KDM4C: variants seen among roughly 807,000 people sequenced by gnomAD.
KDM4C encodes lysine demethylase 4C, also known as lysine-specific demethylase 4C.
A neutral mutation model predicts 129.3 loss-of-function variants in KDM4C; 81 were observed. That is an observed-to-expected ratio of 0.63 (90% confidence interval 0.52 to 0.75). The LOEUF (loss-of-function observed/expected upper bound fraction) is 0.75. Ranked by LOEUF, KDM4C falls within the 30% of genes least tolerant of loss-of-function variation. The pLI, the probability that KDM4C is intolerant of heterozygous loss-of-function variation, is 0.00. For missense variants in KDM4C, 1,457 were observed against 1,304.0 expected (o/e 1.12, Z -1.81); for synonymous variants, 573 against 456.1 (o/e 1.26, Z -3.26).
chr9:6,932,248 C>A lies in KDM4C; in HGVS notation c.921+39016C>A, dbSNP rs116239306. ...TTCCCCTTCAGAACAGAGTGGAAGC[C>A]GGAGTGCAGAGGGAGGACTGTGTGT... On this transcript the variant is annotated intron_variant, in intron 8 of 21. Transcript: ENST00000381309. Among the ~76,000 whole-genome samples, 149 of 152,256 alleles carry A rather than the reference C, an allele frequency of 9.8e-4. 1 individual carries two copies. The highest frequency in any genetic ancestry group is 3.4e-3 in the African/African-American group (140 of 41,560).
chr9:7,113,468 G>A (rs1838559446), intron 18 of KDM4C, among the ~76,000 whole-genome samples: 1 of 152,090 alleles, frequency 6.6e-6, no homozygotes, highest in East Asian at 1.9e-4. Flanking sequence ...ACCCTATTCA[G>A]AACCCCCTAA....
intron 7 of KDM4C, among the ~76,000 whole-genome samples, chr9:6,890,779 G>A (rs1388924236): frequency 6.6e-6 from 1 of 152,176 alleles, no homozygotes; most frequent in African/African-American, 2.4e-5. Context: ...GGAGCAGGGT[G>A]AGTTTTGTTT....
chr9:7,141,176 T>A (rs906723136), intron 19 of KDM4C, among the ~76,000 whole-genome samples: 1 of 152,186 alleles, frequency 6.6e-6, no homozygotes, highest in Admixed American at 6.5e-5. Flanking sequence ...AATTGGAAAG[T>A]CCACAGGGGT....
chr9:6,956,306 C>T (rs1829056221), intron 8 of KDM4C, among the ~76,000 whole-genome samples: 3 of 152,114 alleles, frequency 2.0e-5, no homozygotes, highest in South Asian at 2.1e-4. Flanking sequence ...ATACTCCATT[C>T]CCCATGATGT....
At position 7,145,100 on chromosome 9, in the gene KDM4C, C is replaced by T. The variant is rs542455874; in HGVS notation, c.2781+16864C>T. Among the ~76,000 whole-genome samples the T allele has an allele frequency of 1.1e-4, 16 of 152,282 alleles. No homozygotes were observed. In the East Asian group the frequency reaches 2.9e-3, roughly 28 times the overall value. On this transcript the variant is annotated intron_variant, in intron 19 of 21. Transcript: ENST00000381309. ...AATAAGGTGGTGCTGCATTAACAGG[C>T]CTCCTCCTCGGGTGTTGATCCTCAA...
rs61477112 is a variant in KDM4C, at chr9:6,873,941, C to CGAGAGAGA, written c.630-6047_630-6040dup. On this transcript the variant is annotated intron_variant, in intron 5 of 21. Transcript: ENST00000381309. ...GAGAGAGAGAGAGAGTGAGAGAGAGCGAGAGAGAGAGAGAGAGAGAGAGAG... is the reference window on the plus strand; with the variant it reads ...GAGAGAGAGAGAGAGTGAGAGAGAGCGAGAGAGAGAGAGAGAGAGAGAGAGAGAGAGAG... Among the ~76,000 whole-genome samples, 178 of 132,158 alleles carry CGAGAGAGA rather than the reference C, an allele frequency of 1.3e-3. 2 individuals are homozygous for CGAGAGAGA. Among genetic ancestry groups the CGAGAGAGA allele is most frequent in the Middle Eastern group, 7.6e-3 (2 of 262 alleles). 86.7% of individuals were successfully genotyped at this position (132,158 alleles called of 152,430 possible).
chr9:7,100,745 C>T (rs1415267088), intron 17 of KDM4C, among the ~76,000 whole-genome samples: 1 of 151,900 alleles, frequency 6.6e-6, no homozygotes, highest in African/African-American at 2.4e-5. Flanking sequence ...ATTATGGATT[C>T]TTCCTTTTTT....
intron 4 of KDM4C, among the ~76,000 whole-genome samples, chr9:6,827,383 T>C (rs1420541872): frequency 1.3e-5 from 2 of 152,254 alleles, no homozygotes; most frequent in Non-Finnish European, 2.9e-5. Flanking sequence ...CAGATTTCTC[T>C]TGTATTAGAA....
chr9:6,868,039 C>G (rs1445275028), intron 5 of KDM4C, among the ~76,000 whole-genome samples: 1 of 152,010 alleles, frequency 6.6e-6, no homozygotes, highest in African/African-American at 2.4e-5. Context: ...TCTGCAGAAT[C>G]TCAATATTTA....
At chr9:7,034,946 T>C (rs1323695147) in intron 15 of KDM4C, among the ~76,000 whole-genome samples, 2 of 152,214 alleles carry the variant, frequency 1.3e-5, no homozygotes, top group Non-Finnish European at 1.5e-5. Flanking sequence ...TTTTTGTATA[T>C]TTGTTTTCCA....
chr9:6,922,583 C>T (rs934606329), intron 8 of KDM4C, among the ~76,000 whole-genome samples: 2 of 152,154 alleles, frequency 1.3e-5, no homozygotes, highest in African/African-American at 4.8e-5. Flanking sequence ...CCCATCTCTA[C>T]CAAAAATACA....
intron 4 of KDM4C, among the ~76,000 whole-genome samples, chr9:6,819,847 T>C (rs1171469488): frequency 1.3e-5 from 2 of 152,268 alleles, no homozygotes; most frequent in African/African-American, 4.8e-5. Context: ...TTATATTGTT[T>C]AATTCTTTAG....
chr9:7,030,230 C>T (rs945390089), intron 15 of KDM4C, among the ~76,000 whole-genome samples: 5 of 152,064 alleles, frequency 3.3e-5, no homozygotes, highest in Non-Finnish European at 7.4e-5. Context: ...TTACTCATTG[C>T]ATTTTTTAAC....
chr9:6,808,641 C>T (rs1243391989), intron 3 of KDM4C, among the ~76,000 whole-genome samples: 1 of 145,274 alleles, frequency 6.9e-6, no homozygotes, highest in Non-Finnish European at 1.5e-5. Flanking sequence ...ACTATTGTCC[C>T]ATGACCCTGC....
intron 9 of KDM4C, among the ~76,000 whole-genome samples, chr9:6,983,008 C>A (rs947073595): frequency 3.9e-5 from 6 of 152,212 alleles, no homozygotes; most frequent in Non-Finnish European, 7.3e-5. Context: ...ATTGATGTCT[C>A]AAGCACATGT....
Position 6,975,295 on chromosome 9 carries a change from A to AATATAATG in KDM4C, c.922-5628_922-5621dup, listed in dbSNP as rs1474560287. 8.5e-5 allele frequency among the ~76,000 whole-genome samples: 13 copies of AATATAATG among 152,364 alleles called. No individual in the cohort carries two copies. The East Asian group carries it at 2.3e-3, about 27-fold the overall frequency. The stretch of plus-strand genomic sequence containing the variant: ...AGCATGATATCATGCATAGAAAGCA[A>AATATAATG]ATATAATGAGTCCCGGACATTTATT... On this transcript the variant is annotated intron_variant, in intron 8 of 21. Coordinates refer to ENST00000381309, the MANE Select transcript of KDM4C (RefSeq NM_015061.6).
At chr9:6,798,318 A>C (rs572716704) in intron 2 of KDM4C, among the ~76,000 whole-genome samples, 345 of 150,294 alleles carry the variant, frequency 2.3e-3, no homozygotes, top group Admixed American at 3.9e-3. Context: ...TGGCAGGGTC[A>C]TAGGACAATA....
intron 1 of KDM4C, among the ~76,000 whole-genome samples, chr9:6,771,941 C>T (rs1355682285): frequency 6.6e-6 from 1 of 152,184 alleles, no homozygotes; most frequent in African/African-American, 2.4e-5. Context: ...TGGGAAGCCT[C>T]TCCCCATTCC....
At chr9:6,913,908 G>A (rs560914829) in intron 8 of KDM4C, among the ~76,000 whole-genome samples, 1 of 152,334 alleles carries the variant, frequency 6.6e-6, no homozygotes, top group South Asian at 2.1e-4. Context: ...TAGTATGAGA[G>A]TTGAGAGCAG....
Sources: allele counts gnomAD v4.1 joint callset (sites outside exome capture counted in the v4.1 genomes callset), GRCh38; gene constraint gnomAD v4.1.1; transcripts MANE v1.5; gene names NCBI Gene and HGNC (gene_info 2026-07-23, HGNC 2026-07-21).